IL1RAPL1: variants seen among roughly 807,000 people sequenced by gnomAD.
The protein encoded by IL1RAPL1 is interleukin 1 receptor accessory protein like 1.
IL1RAPL1 carries 3 observed loss-of-function variants against 48.4 expected under a neutral mutation model. That is an observed-to-expected ratio of 0.06 (90% confidence interval 0.03 to 0.16). The LOEUF (loss-of-function observed/expected upper bound fraction) is 0.16. IL1RAPL1 is among the 10% of genes least tolerant of loss of function. The probability of loss-of-function intolerance (pLI) is 1.00; values close to 1 mark genes in which losing one functional copy is unlikely to be tolerated. For synonymous variants in IL1RAPL1, 185 were observed against 187.7 expected (o/e 0.99, Z 0.12); for missense variants, 349 against 530.6 (o/e 0.66, Z 3.36).
At chrX:29,477,018 C>T (rs1272035107) in intron 5 of IL1RAPL1, among the ~76,000 whole-genome samples, 1 of 106,162 alleles carries the variant, frequency 9.4e-6, no homozygotes, top group Non-Finnish European at 1.9e-5. Context: ...GTAGCTGGGA[C>T]TACAGGCGCC....
At chrX:29,511,013 C>T (rs770737734) in intron 5 of IL1RAPL1, among the ~76,000 whole-genome samples, 2 of 111,581 alleles carry the variant, frequency 1.8e-5, no homozygotes, top group East Asian at 5.7e-4. Flanking sequence ...TCTTTATAGT[C>T]GAGTGAGATG....
At chrX:28,730,235 A>G (rs910720075) in intron 1 of IL1RAPL1, among the ~76,000 whole-genome samples, 9 of 111,656 alleles carry the variant, frequency 8.1e-5, no homozygotes, top group South Asian at 3.7e-4. Flanking sequence ...CCCCTGCTTA[A>G]CTAAACCAGC....
intron 2 of IL1RAPL1, among the ~76,000 whole-genome samples, chrX:28,976,840 C>T (rs996070652): frequency 8.9e-6 from 1 of 111,821 alleles, no homozygotes; most frequent in African/African-American, 3.3e-5. Context: ...TTAGGGATCA[C>T]TGGCAAACTT....
chrX:29,885,691 C>G lies in IL1RAPL1; in HGVS notation c.779-31773C>G, dbSNP rs144677599. ...AAAATCAGCTGAGTGTGGTGGCATGCACCCGTAGTCCGAGCTACTCGGGAA... is the reference window on the plus strand; with the variant it reads ...AAAATCAGCTGAGTGTGGTGGCATGGACCCGTAGTCCGAGCTACTCGGGAA... On this transcript the variant is annotated intron_variant, in intron 6 of 10. Transcript: ENST00000378993. Among the ~76,000 whole-genome samples the G allele has an allele frequency of 3.5e-3, 393 of 111,317 alleles. 1 individual carries two copies. The highest frequency in any genetic ancestry group is 0.012 in the African/African-American group (372 of 30,592).
chrX:28,652,667 C>T (rs1934696945), intron 1 of IL1RAPL1, among the ~76,000 whole-genome samples: 1 of 111,477 alleles, frequency 9.0e-6, no homozygotes, highest in Non-Finnish European at 1.9e-5. Flanking sequence ...TAGCCTCATG[C>T]TATATTCTGG....
At chrX:29,696,029 A>G (rs981037925) in intron 6 of IL1RAPL1, among the ~76,000 whole-genome samples, 1 of 111,758 alleles carries the variant, frequency 8.9e-6, no homozygotes, top group Non-Finnish European at 1.9e-5. Flanking sequence ...GTCTTTCCCT[A>G]TAGATCATAG....
chrX:29,564,381 C>A (rs1450347115), intron 5 of IL1RAPL1, among the ~76,000 whole-genome samples: 1 of 112,427 alleles, frequency 8.9e-6, no homozygotes, highest in East Asian at 2.8e-4. Context: ...TTTTCTATGG[C>A]TCTGATGATA....
At chrX:29,857,384 A>G (rs2147201835) in intron 6 of IL1RAPL1, among the ~76,000 whole-genome samples, 1 of 112,089 alleles carries the variant, frequency 8.9e-6, no homozygotes, top group African/African-American at 3.2e-5. Flanking sequence ...GAACTGCCAA[A>G]TAATAATAAA....
At chrX:29,025,400 C>G (rs1220997005) in intron 2 of IL1RAPL1, among the ~76,000 whole-genome samples, 1 of 111,699 alleles carries the variant, frequency 9.0e-6, no homozygotes, top group African/African-American at 3.3e-5. Context: ...AGTTTCTGGC[C>G]TAGCTTAGCC....
At chrX:29,632,280 C>A (rs1439778158) in intron 5 of IL1RAPL1, among the ~76,000 whole-genome samples, 1 of 109,431 alleles carries the variant, frequency 9.1e-6, no homozygotes, top group African/African-American at 3.3e-5. Flanking sequence ...TCCTGAGTAG[C>A]TGGGACTACA....
At chrX:29,132,708 C>G (rs763446301) in intron 2 of IL1RAPL1, among the ~76,000 whole-genome samples, 10 of 111,958 alleles carry the variant, frequency 8.9e-5, no homozygotes, top group Non-Finnish European at 1.1e-4. Context: ...GCAGACCATA[C>G]TGTAAAGCTC....
intron 5 of IL1RAPL1, among the ~76,000 whole-genome samples, chrX:29,559,134 T>C (rs1922101181): frequency 8.9e-6 from 1 of 112,230 alleles, no homozygotes; most frequent in African/African-American, 3.2e-5. Flanking sequence ...TTCCAATTGA[T>C]GAACATGGAA....
intron 2 of IL1RAPL1, among the ~76,000 whole-genome samples, chrX:28,864,173 T>C (rs1301142750): frequency 8.9e-6 from 1 of 112,320 alleles, no homozygotes; most frequent in East Asian, 2.8e-4. Flanking sequence ...AAAATGTGGC[T>C]TTAGAAGCCT....
rs190966182 is a variant in IL1RAPL1 at position 29,142,179 on chromosome X, T to A, written c.83-140759T>A. On this transcript the variant is annotated intron_variant, in intron 2 of 10. Coordinates refer to ENST00000378993, the MANE Select transcript of IL1RAPL1 (RefSeq NM_014271.4). ...ATTTATCTACAAACCTTGTTCAATC[T>A]TATTATTTAAAAATAACTTTTATTA... is the stretch of plus-strand genomic sequence containing the variant. Among the ~76,000 whole-genome samples the A allele has an allele frequency of 3.6e-5, 4 of 112,009 alleles. No homozygotes were observed. The East Asian group carries it at 1.1e-3, about 31-fold the overall frequency.
At chrX:28,608,304 C>T (rs941474417) in intron 1 of IL1RAPL1, among the ~76,000 whole-genome samples, 3 of 111,502 alleles carry the variant, frequency 2.7e-5, no homozygotes, top group Non-Finnish European at 3.8e-5. Flanking sequence ...GAGCTGGTAG[C>T]AGCCAGTGAT....
chrX:28,789,178 A>G (rs899621064), intron 1 of IL1RAPL1, 142 bp from the exon 2 acceptor site: 8 of 436,552 alleles, frequency 1.8e-5, no homozygotes, highest in Non-Finnish European at 2.8e-5. Context: ...ATGGGAAAAT[A>G]TAATAGAAAT....
At position 29,427,028 on chromosome X, in the gene IL1RAPL1, T is replaced by C. The variant is rs749748801; in HGVS notation, c.703+27720T>C. On this transcript the variant is annotated intron_variant, in intron 5 of 10. Transcript: ENST00000378993. ...AAAAAAAAAAAAGATTTGCATATTATTTCCCTGGTATAAGGAATCTGGATC... is the reference window on the plus strand; with the variant it reads ...AAAAAAAAAAAAGATTTGCATATTACTTCCCTGGTATAAGGAATCTGGATC... Among the ~76,000 whole-genome samples, 3 of 111,031 alleles carry C rather than the reference T, an allele frequency of 2.7e-5. No homozygotes were observed. In the South Asian group the frequency reaches 1.2e-3, roughly 43 times the overall value.
chrX:28,793,075 T>G (rs2147267406), intron 2 of IL1RAPL1, among the ~76,000 whole-genome samples: 1 of 106,890 alleles, frequency 9.4e-6, no homozygotes, highest in South Asian at 4.2e-4. Flanking sequence ...ACAATAGATT[T>G]TATCCTGGGA....
At position 29,937,001 on chromosome X, in the gene IL1RAPL1, C is replaced by A. The variant is rs753133985; in HGVS notation, c.1058-4650C>A. 2.7e-5 allele frequency among the ~76,000 whole-genome samples: 3 copies of A among 111,818 alleles called. No homozygotes were observed. In the South Asian group the frequency reaches 1.1e-3, roughly 42 times the overall value. Reference sequence around the variant, plus strand: ...TCCCTTAGCCTGTACTGGAGCTTTCCTAGGACTATTGTTAATTGCCTGTAA... The same window carrying A: ...TCCCTTAGCCTGTACTGGAGCTTTCATAGGACTATTGTTAATTGCCTGTAA... On this transcript the variant is annotated intron_variant, in intron 8 of 10. Transcript: ENST00000378993.
Sources: allele counts gnomAD v4.1 joint callset (sites outside exome capture counted in the v4.1 genomes callset), GRCh38; gene constraint gnomAD v4.1.1; transcripts MANE v1.5; gene names NCBI Gene and HGNC (gene_info 2026-07-23, HGNC 2026-07-21).